The following DOCK5 variants were observed in gnomAD, a reference collection of about 807,000 sequenced individuals.
The protein encoded by DOCK5 is dedicator of cytokinesis protein 5.
Under a neutral mutation model 251.8 loss-of-function variants are expected in DOCK5, and 142 were observed. The observed-to-expected ratio is 0.56, with a 90% CI of 0.49 to 0.65. The LOEUF is 0.65. Among genes scored for constraint, DOCK5 ranks in the 30% least tolerant of loss-of-function variants. The pLI is 0.00. For missense variants in DOCK5, 2,111 were observed against 2,312.3 expected, an observed-to-expected ratio of 0.91 and a Z score of 1.79; for synonymous variants, 842 against 835.5, an observed-to-expected ratio of 1.01 and a Z score of -0.13.
intron 4 of DOCK5, 115 bp downstream of exon 4, chr8:25,275,556 C>T: frequency 9.4e-7 from 1 of 1,061,870 alleles, no homozygotes; most frequent in East Asian, 2.9e-5. Flanking sequence ...CATCTCAGGC[C>T]AGGCGTGGTG....
intron 37 of DOCK5, chr8:25,375,769 A>C: frequency 1.0e-6 from 1 of 985,438 alleles, no homozygotes. Flanking sequence ...AAGGAAATTC[A>C]CAATTCATAT....
At chr8:25,410,022 T>TA (rs1338534929) in intron 50 of DOCK5, 77 bp from the exon 51 acceptor site, 2 of 1,255,308 alleles carry the variant, frequency 1.6e-6, no homozygotes, top group African/African-American at 2.9e-5. Context: ...GCTTAGGTGT[T>TA]ACAGTGCCAG....
At chr8:25,336,440 C>G in intron 22 of DOCK5, 67 bp downstream of exon 22, 1 of 1,582,212 alleles carries the variant, frequency 6.3e-7, no homozygotes, top group Non-Finnish European at 8.6e-7. Flanking sequence ...TTCCCTCACT[C>G]TGCACAGTGG....
rs760480035 is a variant in DOCK5 at position 25,351,737 on chromosome 8, A to G, written c.2761A>G (p.Thr921Ala). The change falls in exon 27 of 52, where the codon ACT (threonine) becomes GCT (alanine). Residue 921 changes from threonine (T) to alanine (A), a missense_variant. By Grantham distance (58) the Thr-to-Ala change is moderately conservative. Transcript: ENST00000276440. ...AATCCTGTGTTCCCTGCAGGGTGCC[A>G]CTGCGGTGCACATTCAGCTTATAAT... ...EVLDRKDVGA[T>A]AVHIQLIMER... 4 of 1,613,268 alleles carry G rather than the reference A, an allele frequency of 2.5e-6. No individual in the cohort carries two copies. The highest frequency in any genetic ancestry group is 1.3e-5 in the African/African-American group (1 of 74,926).
At chr8:25,388,903 T>G (rs1801208672) in intron 40 of DOCK5, 188 bp from the exon 41 acceptor site, 1 of 587,072 alleles carries the variant, frequency 1.7e-6, no homozygotes, top group Non-Finnish European at 3.0e-6. Flanking sequence ...ATTTAACTTC[T>G]CCAATAAACC....
At chr8:25,395,967 G>A in intron 45 of DOCK5, 1 of 584,592 alleles carries the variant, frequency 1.7e-6, no homozygotes, top group East Asian at 3.5e-5. Context: ...TCTGGTCAAA[G>A]CACCTGTTAT....
intron 34 of DOCK5, among the ~76,000 whole-genome samples, chr8:25,371,803 G>A (rs1800877959): frequency 6.6e-6 from 1 of 152,100 alleles, no homozygotes; most frequent in Admixed American, 6.6e-5. Context: ...AAAAAATACG[G>A]ATACATAGGT....
intron 2 of DOCK5, among the ~76,000 whole-genome samples, chr8:25,260,354 A>AC (rs200471079): frequency 0.02 from 2,705 of 134,936 alleles, 57 homozygotes; most frequent in African/African-American, 0.067. Context: ...GGTGCCGCCC[A>AC]CCCCCGCCCA....
rs776972444 is a variant in DOCK5, at chr8:25,399,978, G to A, written c.4772G>A (p.Arg1591Gln). The change falls in exon 46 of 52, where the codon CGA (arginine) becomes CAA (glutamine). Residue 1591 changes from arginine (R) to glutamine (Q), a missense_variant. Coordinates refer to ENST00000276440, the MANE Select transcript of DOCK5 (RefSeq NM_024940.8). ...CAGGAGAAGGTTGAGCTGCTAAAGC[G>A]ACTAATAGCATTACAGGTACAGGAC... is the stretch of plus-strand genomic sequence containing the variant. ...EDQEKVELLKRLIALQMPLLT... is the reference protein window; with the variant it reads ...EDQEKVELLKQLIALQMPLLT... 4.3e-6 allele frequency: 7 copies of A among 1,613,372 alleles called. No individual in the cohort carries two copies. Among genetic ancestry groups the A allele is most frequent in the African/African-American group, 1.3e-5 (1 of 74,868 alleles).
At chr8:25,357,329 C>T (rs1259183987) in intron 27 of DOCK5, among the ~76,000 whole-genome samples, 1 of 149,278 alleles carries the variant, frequency 6.7e-6, no homozygotes, top group African/African-American at 2.5e-5. Flanking sequence ...TATCAAAGGC[C>T]TTAGTACAAT....
intron 21 of DOCK5, 23 bp downstream of exon 21, chr8:25,334,219 A>G: frequency 6.4e-7 from 1 of 1,573,870 alleles, no homozygotes; most frequent in Non-Finnish European, 8.7e-7. Context: ...TGAAGGAACT[A>G]CATGTTGTTG....
chr8:25,305,513 A>G (rs1804894651), intron 11 of DOCK5, among the ~76,000 whole-genome samples: 3 of 152,262 alleles, frequency 2.0e-5, no homozygotes, highest in Admixed American at 6.5e-5. Context: ...AAAAATTGAT[A>G]GGTTTAACCA....
Position 25,268,862 on chromosome 8 carries a change from A to G in DOCK5, c.145A>G (p.Thr49Ala), listed in dbSNP as rs1803833223. ...EMYEGWYRGY[T>A]LQNKSKKGIF... ...TCTGACAGGTTGGTACAGAGGATAT[A>G]CCCTCCAAAATAAATCTAAAAAGGT... Residue 49 changes from threonine (T) to alanine (A), a missense_variant, in exon 3 of 52, where the codon ACC becomes GCC. Coordinates refer to ENST00000276440, the MANE Select transcript of DOCK5 (RefSeq NM_024940.8). 10 of 1,564,012 alleles carry G rather than the reference A, an allele frequency of 6.4e-6. No homozygotes were observed. Among genetic ancestry groups the G allele is most frequent in the Non-Finnish European group, 7.8e-6 (9 of 1,159,878 alleles).
intron 33 of DOCK5, 127 bp downstream of exon 33, chr8:25,368,852 A>G: frequency 9.0e-7 from 1 of 1,107,858 alleles, no homozygotes; most frequent in Non-Finnish European, 1.2e-6. Flanking sequence ...AGTTCACTTT[A>G]CATTTCATTT....
chr8:25,366,849 C>A (rs1380372216), intron 30 of DOCK5, 21 bp from the exon 31 acceptor site: 1 of 1,594,958 alleles, frequency 6.3e-7, no homozygotes, highest in Non-Finnish European at 8.6e-7. Flanking sequence ...TCCCTTTACC[C>A]ACACAATTAA....
chr8:25,193,973 A>C (rs1441166458), intron 1 of DOCK5, among the ~76,000 whole-genome samples: 1 of 151,866 alleles, frequency 6.6e-6, no homozygotes, highest in Non-Finnish European at 1.5e-5. Flanking sequence ...AACAATGAGG[A>C]TCTACTGTAG....
At position 25,382,772 on chromosome 8, in the gene DOCK5, C is replaced by T. The variant is rs1801092240; in HGVS notation, c.4125C>T (p.Phe1375=). The stretch of plus-strand genomic sequence containing the variant: ...ACTATGGACAGGGCTTTCCTTCTTT[C>T]CTACGGGTAAGAAACCTGATGGTGG... ...VGYYGQGFPS[F]LRNKIFIYRG... Residue 1375 remains phenylalanine (F), a synonymous_variant, in exon 40 of 52, where the codon TTC becomes TTT. Coordinates refer to ENST00000276440, the MANE Select transcript of DOCK5 (RefSeq NM_024940.8). 1.9e-6 allele frequency: 3 copies of T among 1,612,522 alleles called. No homozygotes were observed. Among genetic ancestry groups the T allele is most frequent in the Non-Finnish European group, 2.5e-6 (3 of 1,179,188 alleles).
At chr8:25,356,082 C>G (rs990807943) in intron 27 of DOCK5, among the ~76,000 whole-genome samples, 1 of 150,648 alleles carries the variant, frequency 6.6e-6, no homozygotes, top group Non-Finnish European at 1.5e-5. Flanking sequence ...TGGCTGTAGT[C>G]CGAGCTATTG....
Position 25,306,428 on chromosome 8 carries a change from C to T in DOCK5, c.1049+2101C>T, listed in dbSNP as rs529411598. 1.2e-3 allele frequency among the ~76,000 whole-genome samples: 186 copies of T among 152,038 alleles called. 5 individuals are homozygous for T. In the South Asian group the frequency reaches 0.023, roughly 19 times the overall value. Reference sequence around the variant, plus strand: ...TTAATAAACATGTTGAATTTAGGTCCGGGCGCATAGGCTTACGCCTGTAAT... The same window carrying T: ...TTAATAAACATGTTGAATTTAGGTCTGGGCGCATAGGCTTACGCCTGTAAT... On this transcript the variant is annotated intron_variant, in intron 11 of 51. Coordinates refer to ENST00000276440, the MANE Select transcript of DOCK5 (RefSeq NM_024940.8).
Sources: gnomAD v4.1 joint callset for allele counts (sites outside exome capture counted in the v4.1 genomes callset) on GRCh38, gnomAD v4.1.1 for gene constraint, MANE v1.5 for transcripts, NCBI Gene and HGNC (gene_info 2026-07-23, HGNC 2026-07-21) for gene names.